Variants in COL13A1 observed in about 807,000 individuals in gnomAD.
COL13A1 encodes the protein collagen alpha-1(XIII) chain.
Under a neutral mutation model 130.9 loss-of-function variants are expected in COL13A1, and 89 were observed. The observed-to-expected ratio is 0.68, with a 90% CI of 0.57 to 0.81. The LOEUF (loss-of-function observed/expected upper bound fraction) is 0.81. Among genes scored for constraint, COL13A1 ranks in the 30% least tolerant of loss-of-function variants. The probability of loss-of-function intolerance (pLI) is 0.00; values close to 1 mark genes in which losing one functional copy is unlikely to be tolerated. For missense variants in COL13A1, 879 were observed against 934.6 expected, an observed-to-expected ratio of 0.94 and a Z score of 0.78; for synonymous variants, 402 against 341.6, an observed-to-expected ratio of 1.18 and a Z score of -1.95.
chr10:69,872,564 C>T (rs1264793272), intron 4 of COL13A1, among the ~76,000 whole-genome samples: 1 of 152,230 alleles, frequency 6.6e-6, no homozygotes, highest in East Asian at 1.9e-4. Context: ...GACTATCCCC[C>T]TGCATACCAG....
At chr10:69,883,919 G>A (rs1193549637) in intron 7 of COL13A1, among the ~76,000 whole-genome samples, 12 of 152,236 alleles carry the variant, frequency 7.9e-5, no homozygotes, top group Non-Finnish European at 4.4e-5. Context: ...AGCAGAATCG[G>A]TGGGGCTGGC....
At chr10:69,916,012 C>T (rs954463367) in intron 17 of COL13A1, among the ~76,000 whole-genome samples, 1 of 152,182 alleles carries the variant, frequency 6.6e-6, no homozygotes, top group African/African-American at 2.4e-5. Context: ...GCAGGGGTCT[C>T]GCTATCCAGC....
At chr10:69,888,154 A>G (rs919058896) in intron 8 of COL13A1, 150 bp from the exon 9 acceptor site, 5 of 810,884 alleles carry the variant, frequency 6.2e-6, no homozygotes, top group Admixed American at 4.9e-5. Context: ...AGGCTTACCC[A>G]TAGTCACATT....
At chr10:69,810,806 C>T (rs970592482) in intron 1 of COL13A1, among the ~76,000 whole-genome samples, 2 of 152,196 alleles carry the variant, frequency 1.3e-5, no homozygotes, top group African/African-American at 4.8e-5. Flanking sequence ...CAGCAGCAGC[C>T]CCTGCTGACA....
At chr10:69,851,639 GTTTT>G (rs140432374) in intron 2 of COL13A1, among the ~76,000 whole-genome samples, 6,699 of 152,114 alleles carry the variant, frequency 0.044, 505 homozygotes, top group African/African-American at 0.15. Flanking sequence ...TTTTATTGTG[GTTTT>G]TTGTTTTGTT....
chr10:69,924,217 T>A (rs1224787335), intron 24 of COL13A1, among the ~76,000 whole-genome samples: 1 of 152,222 alleles, frequency 6.6e-6, no homozygotes, highest in African/African-American at 2.4e-5. Context: ...GTGGGTTACC[T>A]GGAGGCAGCA....
rs1382889968 is a variant in COL13A1, at chr10:69,959,109, T to C, written c.*408T>C. ...TGTCTAAGAGTATTTTAAACCCTTATGGATTTTCATTATTAAAGGAAATGA... is the reference window on the plus strand; with the variant it reads ...TGTCTAAGAGTATTTTAAACCCTTACGGATTTTCATTATTAAAGGAAATGA... On this transcript the variant is annotated 3_prime_UTR_variant, in exon 41 of 41. Coordinates refer to ENST00000645393, the MANE Select transcript of COL13A1 (RefSeq NM_001368882.1). 4 of 164,540 alleles carry C rather than the reference T, an allele frequency of 2.4e-5. No individual in the cohort carries two copies. The highest frequency in any genetic ancestry group is 9.6e-5 in the African/African-American group (4 of 41,866). The allele number at this position is 164,540 out of a possible 1,614,324, so 10.2% of individuals were successfully genotyped here.
At chr10:69,881,858 G>T (rs943459140) in intron 7 of COL13A1, among the ~76,000 whole-genome samples, 1 of 152,242 alleles carries the variant, frequency 6.6e-6, no homozygotes, top group Non-Finnish European at 1.5e-5. Flanking sequence ...GAGGCACAGA[G>T]AGGCTGAGTG....
At chr10:69,942,643 C>T (rs3793817) in intron 35 of COL13A1, among the ~76,000 whole-genome samples, 139 of 152,330 alleles carry the variant, frequency 9.1e-4, no homozygotes, top group East Asian at 3.5e-3. Flanking sequence ...GCACTTCCTA[C>T]GCGTCAGGCT....
chr10:69,944,118 T>C lies in COL13A1; in HGVS notation c.1915-7T>C. 1 of 1,613,154 alleles carries C rather than the reference T, an allele frequency of 6.2e-7. No individual in the cohort carries two copies. Among genetic ancestry groups the C allele is most frequent in the Non-Finnish European group, 8.5e-7 (1 of 1,179,288 alleles). ...ACCCTCACCTCTGCTTTCTTTCCCC[T>C]TCCCAGGGTACTCCAGGACCAATTG... On this transcript the variant is annotated splice_polypyrimidine_tract_variant and splice_region_variant and intron_variant, in intron 35 of 40. Coordinates refer to ENST00000645393, the MANE Select transcript of COL13A1 (RefSeq NM_001368882.1).
intron 1 of COL13A1, among the ~76,000 whole-genome samples, chr10:69,805,323 G>A (rs1448240438): frequency 6.6e-6 from 1 of 152,110 alleles, no homozygotes; most frequent in African/African-American, 2.4e-5. Flanking sequence ...TAAAAGTAGG[G>A]TCAGAGAGGG....
At chr10:69,825,469 A>G (rs112654023) in intron 2 of COL13A1, among the ~76,000 whole-genome samples, 2 of 152,306 alleles carry the variant, frequency 1.3e-5, no homozygotes, top group African/African-American at 4.8e-5. Context: ...ATAAATGAGT[A>G]TCAGTAGTCA....
In COL13A1 at chr10:69,944,161, G is replaced by A; in HGVS notation, c.1951G>A (p.Gly651Arg). 1 of 1,613,818 alleles carries A rather than the reference G, an allele frequency of 6.2e-7. No homozygotes were observed. The highest frequency in any genetic ancestry group is 8.5e-7 in the Non-Finnish European group (1 of 1,179,820). The change falls in exon 36 of 41, where the codon GGA becomes AGA. Residue 651 changes from glycine to arginine, a missense_variant. Gly to Arg is a moderately radical substitution (Grantham distance 125, BLOSUM62 -2). Coordinates refer to ENST00000645393, the MANE Select transcript of COL13A1 (RefSeq NM_001368882.1). ...ACCAATTGGAGTTCCAGGCCCAGCG[G>A]GACCAAAGGGCGAGAGGGTGAGTGT... ...PGPIGVPGPA[G>R]PKGERGSKGD...
chr10:69,836,958 C>A (rs920813926), intron 2 of COL13A1, among the ~76,000 whole-genome samples: 18 of 150,038 alleles, frequency 1.2e-4, no homozygotes, highest in Admixed American at 1.1e-3. Context: ...CCATGACAGG[C>A]CGGAGGGAGG....
chr10:69,930,034 C>T lies in COL13A1; in HGVS notation c.1486-9C>T, dbSNP rs373727309. 1.9e-5 allele frequency: 30 copies of T among 1,613,650 alleles called. No homozygotes were observed. The highest frequency in any genetic ancestry group is 1.5e-4 in the South Asian group (14 of 91,058). On this transcript the variant is annotated splice_polypyrimidine_tract_variant and intron_variant, in intron 28 of 40. Coordinates refer to ENST00000645393, the MANE Select transcript of COL13A1 (RefSeq NM_001368882.1). Reference sequence around the variant, plus strand: ...CCCTGAGAGTCACCTTTAGTTGTTCCGGTTACAGGGGGAGATTGGACTGCC... The same window carrying T: ...CCCTGAGAGTCACCTTTAGTTGTTCTGGTTACAGGGGGAGATTGGACTGCC...
chr10:69,808,614 T>C (rs1222009532), intron 1 of COL13A1, among the ~76,000 whole-genome samples: 1 of 152,086 alleles, frequency 6.6e-6, no homozygotes, highest in Non-Finnish European at 1.5e-5. Flanking sequence ...CAAGAGGAAA[T>C]CCATTTGCCA....
intron 2 of COL13A1, among the ~76,000 whole-genome samples, chr10:69,860,891 C>G (rs1053786574): frequency 6.6e-6 from 1 of 152,350 alleles, no homozygotes; most frequent in African/African-American, 2.4e-5. Context: ...GGCATATACC[C>G]TTACCCATTG....
intron 2 of COL13A1, among the ~76,000 whole-genome samples, chr10:69,840,905 G>A (rs2133231113): frequency 6.6e-6 from 1 of 151,926 alleles, no homozygotes; most frequent in South Asian, 2.1e-4. Flanking sequence ...AGAACCCCGG[G>A]CGCCAGAGCT....
intron 40 of COL13A1, among the ~76,000 whole-genome samples, chr10:69,957,610 C>G (rs2071017660): frequency 6.6e-6 from 1 of 152,250 alleles, no homozygotes; most frequent in Non-Finnish European, 1.5e-5. Context: ...TTCACACTGG[C>G]CTTGGCATTT....
Sources: allele counts gnomAD v4.1 joint callset (sites outside exome capture counted in the v4.1 genomes callset), GRCh38; gene constraint gnomAD v4.1.1; transcripts MANE v1.5; gene names NCBI Gene and HGNC (gene_info 2026-07-23, HGNC 2026-07-21).